QTGAL: variants seen among roughly 807,000 people sequenced by gnomAD.
QTGAL encodes the protein BGnT-like protein 1.
chr17:82,957,419 C>G, the QTGAL span: 1 of 1,612,946 alleles, frequency 6.2e-7, no homozygotes, highest in Non-Finnish European at 8.5e-7. Context: ...TGCCAGCGTT[C>G]CAGATGGTGA....
the QTGAL span, among the ~76,000 whole-genome samples, chr17:83,000,730 C>T: frequency 0.012 from 1,810 of 152,306 alleles, 38 homozygotes; most frequent in African/African-American, 0.042. Context: ...CTCTCCAATA[C>T]ACTTGCTGAG....
the QTGAL span, among the ~76,000 whole-genome samples, chr17:82,958,956 A>C: frequency 2.0e-5 from 1 of 50,006 alleles, no homozygotes; most frequent in Non-Finnish European, 3.3e-5. Flanking sequence ...GTGGGGGTGT[A>C]TGTGTGTGTG....
the QTGAL span, among the ~76,000 whole-genome samples, chr17:83,018,584 G>A: frequency 6.6e-6 from 1 of 152,136 alleles, no homozygotes; most frequent in East Asian, 1.9e-4. Flanking sequence ...CCAAAGTCTC[G>A]TAGCAATTAC....
At chr17:82,950,384 T>G in the QTGAL span, among the ~76,000 whole-genome samples, 1 of 152,034 alleles carries the variant, frequency 6.6e-6, no homozygotes, top group South Asian at 2.1e-4. Context: ...CAAGGAGACG[T>G]GGAGTGGGCA....
the QTGAL span, among the ~76,000 whole-genome samples, chr17:83,000,189 C>G: frequency 2.0e-5 from 3 of 152,094 alleles, no homozygotes; most frequent in African/African-American, 7.2e-5. Context: ...TCTCGAACTC[C>G]TGACCTCATG....
the QTGAL span, among the ~76,000 whole-genome samples, chr17:82,964,031 G>GC: frequency 1.0e-5 from 1 of 100,300 alleles, no homozygotes; most frequent in Non-Finnish European, 2.5e-5. Flanking sequence ...CTGAGGTCGG[G>GC]GGGGTGGATT....
At chr17:83,019,771 T>C in the QTGAL span, among the ~76,000 whole-genome samples, 4 of 152,104 alleles carry the variant, frequency 2.6e-5, no homozygotes, top group Admixed American at 2.6e-4. Context: ...TTTGCTCTTC[T>C]TGCCCAGGCT....
the QTGAL span, among the ~76,000 whole-genome samples, chr17:83,044,945 C>CAAAAAAAAA: frequency 3.0e-5 from 4 of 131,844 alleles, no homozygotes; most frequent in African/African-American, 1.2e-4. Flanking sequence ...GACTCTGTCT[C>CAAAAAAAAA]AAAAAAAAAA....
At chr17:83,020,111 T>C in the QTGAL span, among the ~76,000 whole-genome samples, 4 of 152,292 alleles carry the variant, frequency 2.6e-5, no homozygotes, top group South Asian at 2.1e-4. Flanking sequence ...AAACAGATTT[T>C]CTAAAGAGAT....
At chr17:82,964,005 T>G in the QTGAL span, among the ~76,000 whole-genome samples, 1 of 119,510 alleles carries the variant, frequency 8.4e-6, no homozygotes, top group African/African-American at 3.5e-5. Context: ...GCCTTTAATC[T>G]CAGCACTTTG....
At chr17:82,994,985 A>G in the QTGAL span, among the ~76,000 whole-genome samples, 1 of 152,368 alleles carries the variant, frequency 6.6e-6, no homozygotes, top group East Asian at 1.9e-4. Flanking sequence ...ATAACATTCA[A>G]CATCTCTTCA....
chr17:83,031,867 C>T, the QTGAL span, among the ~76,000 whole-genome samples: 3 of 152,244 alleles, frequency 2.0e-5, no homozygotes, highest in African/African-American at 7.2e-5. Flanking sequence ...TTTCAGGTGA[C>T]GTTCACACTG....
the QTGAL span, chr17:82,979,471 T>G: frequency 6.6e-6 from 1 of 152,256 alleles, no homozygotes; most frequent in Non-Finnish European, 1.5e-5. Context: ...TACGTTTCTG[T>G]AAGTTAGCAG....
the QTGAL span, chr17:83,049,003 A>G: frequency 1.8e-6 from 1 of 543,094 alleles, no homozygotes; most frequent in South Asian, 2.2e-5. Flanking sequence ...AAAAAACTGA[A>G]AGGACTTTGG....
chr17:83,014,975 G>A, the QTGAL span, among the ~76,000 whole-genome samples: 2 of 152,266 alleles, frequency 1.3e-5, no homozygotes, highest in African/African-American at 2.4e-5. Flanking sequence ...TGCTGGCTGC[G>A]ATGAGGACCT....
chr17:82,966,952 T>A, the QTGAL span, among the ~76,000 whole-genome samples: 3 of 152,198 alleles, frequency 2.0e-5, no homozygotes, highest in Non-Finnish European at 2.9e-5. Flanking sequence ...CGGCGAACAC[T>A]AAGTACCCTC....
chr17:82,970,591 C>CCCACCCA, the QTGAL span, among the ~76,000 whole-genome samples: 6 of 134,056 alleles, frequency 4.5e-5, 1 homozygote, highest in African/African-American at 2.0e-4. Context: ...CCGCGACCTC[C>CCCACCCA]GCACCCGGCG....
the QTGAL span, chr17:82,947,085 C>T: frequency 3.1e-6 from 3 of 966,082 alleles, no homozygotes; most frequent in Non-Finnish European, 4.7e-6. Context: ...CTGTGTCCAC[C>T]TGTCAAGTGT....
the QTGAL span, chr17:82,948,225 CCAT>C: frequency 2.0e-5 from 3 of 152,198 alleles, no homozygotes; most frequent in East Asian, 1.9e-4. Flanking sequence ...CCTGAAACCA[CCAT>C]GAGAACACAC....
Sources: gnomAD v4.1 joint callset for allele counts (sites outside exome capture counted in the v4.1 genomes callset) on GRCh38, gnomAD v4.1.1 for gene constraint, MANE v1.5 for transcripts, NCBI Gene and HGNC (gene_info 2026-07-23, HGNC 2026-07-21) for gene names.